The following MMP16 variants were observed in gnomAD, a reference collection of about 807,000 sequenced individuals.
MMP16 encodes matrix metalloproteinase-16.
In MMP16, 12 loss-of-function variants were observed where a neutral mutation model predicts 67.8. The ratio of observed to expected loss-of-function variants is 0.18; its 90% CI spans 0.11 to 0.29. The LOEUF (loss-of-function observed/expected upper bound fraction) is 0.29, where lower values mean the gene tolerates loss of function less well. MMP16 is among the 10% of genes least tolerant of loss of function. The probability of loss-of-function intolerance (pLI) is 1.00; values close to 1 mark genes in which losing one functional copy is unlikely to be tolerated. For missense variants in MMP16, 475 were observed against 765.7 expected, an observed-to-expected ratio of 0.62 and a Z score of 4.48; for synonymous variants, 249 against 255.9, an observed-to-expected ratio of 0.97 and a Z score of 0.26.
At chr8:88,055,676 G>C (rs1280023279) in intron 8 of MMP16, among the ~76,000 whole-genome samples, 1 of 152,180 alleles carries the variant, frequency 6.6e-6, no homozygotes, top group Non-Finnish European at 1.5e-5. Flanking sequence ...TTAAGAAATA[G>C]AATCTGTGAC....
At chr8:88,160,777 T>C (rs2129680468) in intron 4 of MMP16, among the ~76,000 whole-genome samples, 1 of 152,222 alleles carries the variant, frequency 6.6e-6, no homozygotes, top group East Asian at 1.9e-4. Context: ...GCCATCCCAT[T>C]ACTGGGTATA....
chr8:88,094,602 T>C (rs1028579056), intron 6 of MMP16, among the ~76,000 whole-genome samples: 1 of 151,546 alleles, frequency 6.6e-6, no homozygotes, highest in Admixed American at 6.6e-5. Context: ...TTATAGTTTA[T>C]AAAATATTTT....
chr8:88,125,187 A>T (rs1429094229), intron 4 of MMP16, among the ~76,000 whole-genome samples: 2 of 120,718 alleles, frequency 1.7e-5, no homozygotes, highest in African/African-American at 6.0e-5. Context: ...AAAGTCCTGG[A>T]GATTTTTTTT....
At chr8:88,260,917 G>C (rs1810378665) in intron 1 of MMP16, among the ~76,000 whole-genome samples, 1 of 152,042 alleles carries the variant, frequency 6.6e-6, no homozygotes, top group Admixed American at 6.6e-5. Flanking sequence ...ACTGTTTTAA[G>C]TTATACATGG....
At chr8:88,316,938 G>A (rs1278106229) in intron 1 of MMP16, among the ~76,000 whole-genome samples, 2 of 152,040 alleles carry the variant, frequency 1.3e-5, no homozygotes, top group Non-Finnish European at 2.9e-5. Flanking sequence ...AATCCCTGTC[G>A]ATGACTCTGA....
chr8:88,204,869 A>G (rs1256411583), intron 1 of MMP16, among the ~76,000 whole-genome samples: 1 of 152,188 alleles, frequency 6.6e-6, no homozygotes, highest in South Asian at 2.1e-4. Flanking sequence ...GACAATTCTC[A>G]AGCTTTTCCT....
At chr8:88,155,929 ACTAC>A (rs1361305803) in intron 4 of MMP16, among the ~76,000 whole-genome samples, 1 of 152,120 alleles carries the variant, frequency 6.6e-6, no homozygotes, top group Non-Finnish European at 1.5e-5. Flanking sequence ...TGTTATTACG[ACTAC>A]CTAGCCTTAG....
intron 1 of MMP16, among the ~76,000 whole-genome samples, chr8:88,222,596 A>G (rs994629250): frequency 1.3e-5 from 2 of 152,204 alleles, no homozygotes; most frequent in African/African-American, 4.8e-5. Context: ...GAAATGGGGA[A>G]AGGATTCCCT....
chr8:88,271,578 C>G (rs1403836547), intron 1 of MMP16, among the ~76,000 whole-genome samples: 1 of 152,164 alleles, frequency 6.6e-6, no homozygotes, highest in Non-Finnish European at 1.5e-5. Flanking sequence ...ACTGCAACCT[C>G]CGCCTCCCGG....
intron 1 of MMP16, among the ~76,000 whole-genome samples, chr8:88,239,983 C>T (rs976200297): frequency 3.3e-5 from 5 of 152,170 alleles, no homozygotes; most frequent in Admixed American, 6.5e-5. Context: ...ACCCTTTAGC[C>T]TTTAATGCTG....
chr8:88,139,418 GTA>G (rs1011577993), intron 4 of MMP16, among the ~76,000 whole-genome samples: 3 of 152,042 alleles, frequency 2.0e-5, no homozygotes, highest in South Asian at 4.1e-4. Context: ...TAAACTCACA[GTA>G]ATTCACACTT....
chr8:88,185,447 A>G (rs2129751309), intron 3 of MMP16, among the ~76,000 whole-genome samples: 1 of 151,544 alleles, frequency 6.6e-6, no homozygotes, highest in Non-Finnish European at 1.5e-5. Flanking sequence ...TGATGGAAAG[A>G]AAAAAAAACG....
Position 88,186,603 on chromosome 8 carries a change from A to T in MMP16, c.282-5T>A. 1.3e-5 allele frequency: 1 copy of T among 76,620 alleles called. No homozygotes were observed. Among genetic ancestry groups the T allele is most frequent in the Non-Finnish European group, 3.0e-5 (1 of 32,978 alleles). The allele number at this position is 76,620 out of a possible 1,614,324, so 4.7% of individuals were successfully genotyped here. A position where few individuals can be genotyped will look rare whatever the true frequency, so the allele number is the denominator to read the frequency against. ...CATCGGGGCTTCTTCATCCAGCTGC[A>T]AAAAAAAAAAAAAAAAAAAAAAAGC... On this transcript the variant is annotated splice_region_variant and splice_polypyrimidine_tract_variant and intron_variant, in intron 2 of 9. Coordinates refer to ENST00000286614, the MANE Select transcript of MMP16 (RefSeq NM_005941.5).
rs149547108 is a variant in MMP16 at position 88,061,127 on chromosome 8, T to TACAC, written c.1223-4853_1223-4850dup. Among the ~76,000 whole-genome samples, 755 of 143,150 alleles carry TACAC rather than the reference T, an allele frequency of 5.3e-3. 5 individuals carry two copies. The highest frequency in any genetic ancestry group is 8.8e-3 in the East Asian group (40 of 4,546). The allele number at this position is 143,150 out of a possible 152,430, so 93.9% of individuals were successfully genotyped here. A position where few individuals can be genotyped will look rare whatever the true frequency, so the allele number is the denominator to read the frequency against. On this transcript the variant is annotated intron_variant, in intron 7 of 9. Transcript: ENST00000286614. ...GAGCCCTTGTATAATCTGAATATTA[T>TACAC]ACACACACACACACACACACACACA...
chr8:88,122,872 T>G (rs1262334664), intron 4 of MMP16, among the ~76,000 whole-genome samples: 1 of 151,626 alleles, frequency 6.6e-6, no homozygotes, highest in African/African-American at 2.4e-5. Flanking sequence ...GATACATCCA[T>G]GACTTCCATC....
intron 1 of MMP16, among the ~76,000 whole-genome samples, chr8:88,204,888 A>T (rs1809402400): frequency 1.3e-5 from 2 of 152,158 alleles, no homozygotes; most frequent in Non-Finnish European, 2.9e-5. Context: ...CTTTTCCATC[A>T]TGCACTACTG....
At chr8:88,172,950 T>C (rs1808828983) in intron 3 of MMP16, among the ~76,000 whole-genome samples, 1 of 152,064 alleles carries the variant, frequency 6.6e-6, no homozygotes, top group Non-Finnish European at 1.5e-5. Context: ...GAAACAGGAT[T>C]TAGATTTGGA....
chr8:88,095,991 T>C (rs563783283), intron 6 of MMP16, among the ~76,000 whole-genome samples: 5 of 152,054 alleles, frequency 3.3e-5, no homozygotes, highest in African/African-American at 1.2e-4. Flanking sequence ...TCCTGAAATA[T>C]TGGTAAAGGA....
Position 88,108,099 on chromosome 8 carries a change from A to G in MMP16, c.1083+8408T>C, listed in dbSNP as rs1278649956. Among the ~76,000 whole-genome samples, 5 of 151,274 alleles carry G rather than the reference A, an allele frequency of 3.3e-5. No individual in the cohort carries two copies. The Admixed American group carries it at 3.3e-4, about 10-fold the overall frequency. On this transcript the variant is annotated intron_variant, in intron 6 of 9. Transcript: ENST00000286614. The stretch of plus-strand genomic sequence containing the variant: ...AGGCTAATATTTTGGACAAAAATTA[A>G]AATCCCTGTTTATACCTTATACCAA...
Sources: allele counts gnomAD v4.1 joint callset (sites outside exome capture counted in the v4.1 genomes callset), GRCh38; gene constraint gnomAD v4.1.1; transcripts MANE v1.5; gene names NCBI Gene and HGNC (gene_info 2026-07-23, HGNC 2026-07-21).